The following IL18R1 variants were observed in gnomAD, a reference collection of about 807,000 sequenced individuals.
The protein encoded by IL18R1 is interleukin 18 receptor 1.
IL18R1 carries 40 observed loss-of-function variants against 48.5 expected under a neutral mutation model. That is an observed-to-expected ratio of 0.82 (90% CI 0.64 to 1.07). The LOEUF (loss-of-function observed/expected upper bound fraction) is 1.07. IL18R1 is among the 50% of genes least tolerant of loss of function. The probability of loss-of-function intolerance (pLI) is 0.00; values close to 1 mark genes in which losing one functional copy is unlikely to be tolerated. For missense variants in IL18R1, 596 were observed against 633.7 expected, an observed-to-expected ratio of 0.94 and a Z score of 0.64; for synonymous variants, 232 against 225.9, an observed-to-expected ratio of 1.03 and a Z score of -0.24.
chr2:102,390,487 C>A (rs1398574466), intron 9 of IL18R1, among the ~76,000 whole-genome samples: 1 of 152,008 alleles, frequency 6.6e-6, no homozygotes, highest in Non-Finnish European at 1.5e-5. Context: ...GATGCTCGGG[C>A]CCAGGAACTG....
intron 2 of IL18R1, among the ~76,000 whole-genome samples, chr2:102,365,748 C>A (rs1254650093): frequency 6.6e-6 from 1 of 152,192 alleles, no homozygotes; most frequent in Non-Finnish European, 1.5e-5. Context: ...CCTCTGAAAC[C>A]TAGGCGTAGG....
intron 10 of IL18R1, among the ~76,000 whole-genome samples, chr2:102,395,180 TG>T (rs1465864744): frequency 4.0e-5 from 6 of 151,270 alleles, no homozygotes; most frequent in African/African-American, 1.2e-4. Context: ...TGAAATTCAA[TG>T]TTTTTTTTAT....
At chr2:102,384,759 C>T (rs1323845645) in intron 6 of IL18R1, 119 bp from the exon 7 acceptor site, 1 of 1,087,142 alleles carries the variant, frequency 9.2e-7, no homozygotes, top group African/African-American at 1.6e-5. Context: ...TATTTATTCT[C>T]TTTCTGGGAT....
chr2:102,389,676 C>T (rs180886516), intron 8 of IL18R1, among the ~76,000 whole-genome samples: 3 of 152,220 alleles, frequency 2.0e-5, no homozygotes, highest in Admixed American at 6.5e-5. Context: ...CAATCCAGTG[C>T]TCTCTCTCTT....
intron 10 of IL18R1, among the ~76,000 whole-genome samples, chr2:102,395,732 A>C (rs1037001813): frequency 1.3e-5 from 2 of 152,244 alleles, no homozygotes; most frequent in Non-Finnish European, 2.9e-5. Context: ...TCATAAATAA[A>C]AATAATGTTT....
At chr2:102,363,213 T>A (rs1678687678) in intron 2 of IL18R1, among the ~76,000 whole-genome samples, 1 of 152,018 alleles carries the variant, frequency 6.6e-6, no homozygotes, top group African/African-American at 2.4e-5. Context: ...TTTTTTTTAT[T>A]TGAGAAGGAT....
intron 10 of IL18R1, among the ~76,000 whole-genome samples, chr2:102,395,357 A>C (rs1157311020): frequency 6.6e-6 from 1 of 152,022 alleles, no homozygotes; most frequent in East Asian, 1.9e-4. Flanking sequence ...AAAAAAAAAC[A>C]AATGTTTGAT....
At chr2:102,366,887 T>A (rs1463990766) in intron 2 of IL18R1, among the ~76,000 whole-genome samples, 4 of 152,210 alleles carry the variant, frequency 2.6e-5, no homozygotes, top group African/African-American at 9.7e-5. Context: ...TTCCTCTTTA[T>A]GTTGTGGTTA....
At position 102,398,106 on chromosome 2, in the gene IL18R1, A is replaced by G. The variant is rs1439120545; in HGVS notation, c.*1220A>G. 1 of 152,368 alleles carries G rather than the reference A, an allele frequency of 6.6e-6. No homozygotes were observed. Among genetic ancestry groups the G allele is most frequent in the African/African-American group, 2.4e-5 (1 of 41,428 alleles). The allele number at this position is 152,368 out of a possible 1,614,324, so 9.4% of individuals were successfully genotyped here. On this transcript the variant is annotated 3_prime_UTR_variant, in exon 11 of 11. Transcript: ENST00000233957. ...GCAGGGAAGGGAAGCAGATCTAGGG[A>G]GGAAGGCAGTTTTGATTTGAGGAGG...
At chr2:102,394,756 A>G in intron 10 of IL18R1, 129 bp downstream of exon 10, 1 of 651,898 alleles carries the variant, frequency 1.5e-6, no homozygotes, top group Non-Finnish European at 2.4e-6. Context: ...GCAAGAAATA[A>G]CCACGTAAGT....
At chr2:102,396,382 A>C (rs2105138552) in intron 10 of IL18R1, 149 bp from the exon 11 acceptor site, 1 of 535,976 alleles carries the variant, frequency 1.9e-6, no homozygotes, top group Non-Finnish European at 3.3e-6. Flanking sequence ...TAATAAGCAT[A>C]TAAAATTAAG....
At chr2:102,379,384 G>T (rs1228996252) in intron 5 of IL18R1, among the ~76,000 whole-genome samples, 5 of 148,132 alleles carry the variant, frequency 3.4e-5, no homozygotes, top group African/African-American at 1.3e-4. Context: ...GATGGAGGTT[G>T]CAGTGAGCCG....
intron 3 of IL18R1, among the ~76,000 whole-genome samples, chr2:102,369,396 G>A (rs935186256): frequency 2.0e-5 from 3 of 152,244 alleles, no homozygotes; most frequent in Admixed American, 2.0e-4. Context: ...AACAATGGAA[G>A]CAAGAGATTG....
At chr2:102,362,582 C>T (rs72823668) in intron 1 of IL18R1, 51 bp from the exon 2 acceptor site, 21 of 1,232,732 alleles carry the variant, frequency 1.7e-5, no homozygotes, top group Non-Finnish European at 2.4e-5. Flanking sequence ...ATAAGATAGG[C>T]ACACTTTTGT....
At chr2:102,367,220 T>A (rs1678957923) in intron 2 of IL18R1, among the ~76,000 whole-genome samples, 1 of 152,222 alleles carries the variant, frequency 6.6e-6, no homozygotes, top group African/African-American at 2.4e-5. Flanking sequence ...TTTGGATTGA[T>A]ATTATATTAA....
chr2:102,384,271 A>G (rs926877591), intron 6 of IL18R1, among the ~76,000 whole-genome samples: 1 of 152,228 alleles, frequency 6.6e-6, no homozygotes, highest in African/African-American at 2.4e-5. Flanking sequence ...AAGTGATATC[A>G]TACAGCCTTT....
At chr2:102,376,385 T>A (rs1208416598) in intron 5 of IL18R1, among the ~76,000 whole-genome samples, 1 of 152,230 alleles carries the variant, frequency 6.6e-6, no homozygotes, top group Admixed American at 6.5e-5. Flanking sequence ...AGTGAAGATA[T>A]CTATACTCAA....
At chr2:102,379,588 T>C (rs1055811679) in intron 5 of IL18R1, among the ~76,000 whole-genome samples, 2 of 152,130 alleles carry the variant, frequency 1.3e-5, no homozygotes, top group Non-Finnish European at 2.9e-5. Flanking sequence ...GACCTAATGC[T>C]AATGGACTGA....
At chr2:102,383,214 A>G in intron 6 of IL18R1, among the ~76,000 whole-genome samples, 1 of 152,220 alleles carries the variant, frequency 6.6e-6, no homozygotes, top group South Asian at 2.1e-4. Flanking sequence ...ACAGTATGGT[A>G]TATCTTGCTG....
Sources: allele counts gnomAD v4.1 joint callset (sites outside exome capture counted in the v4.1 genomes callset), GRCh38; gene constraint gnomAD v4.1.1; transcripts MANE v1.5; gene names NCBI Gene and HGNC (gene_info 2026-07-23, HGNC 2026-07-21).